MMP16: variants seen among roughly 807,000 people sequenced by gnomAD.
MMP16 encodes matrix metallopeptidase 16.
Under a neutral mutation model 67.8 loss-of-function variants are expected in MMP16, and 12 were observed. The observed-to-expected ratio is 0.18, with a 90% confidence interval of 0.11 to 0.29. The LOEUF is 0.29. MMP16 is among the 10% of genes least tolerant of loss of function. The pLI is 1.00. For missense variants in MMP16, 475 were observed against 765.7 expected (o/e 0.62, Z 4.48); for synonymous variants, 249 against 255.9 (o/e 0.97, Z 0.26).
At chr8:88,170,842 T>C (rs1808788316) in intron 3 of MMP16, among the ~76,000 whole-genome samples, 2 of 151,996 alleles carry the variant, frequency 1.3e-5, no homozygotes, top group Admixed American at 6.6e-5. Context: ...CTGTGTCTGA[T>C]GGAAAAATGG....
rs189745904 is a variant in MMP16, at chr8:88,176,993, T to C, written c.405-9020A>G. On this transcript the variant is annotated intron_variant, in intron 3 of 9. Coordinates refer to ENST00000286614, the MANE Select transcript of MMP16 (RefSeq NM_005941.5). ...TTGTGGAAAAGTCAAACTTTCATTATATTAAGTCTTTCTACTGAAAGCAAA... is the reference window on the plus strand; with the variant it reads ...TTGTGGAAAAGTCAAACTTTCATTACATTAAGTCTTTCTACTGAAAGCAAA... Among the ~76,000 whole-genome samples, 449 of 152,338 alleles carry C rather than the reference T, an allele frequency of 2.9e-3. 6 individuals are homozygous for C. The Middle Eastern group carries it at 0.048, about 16-fold the overall frequency.
At chr8:88,108,543 G>T (rs535937251) in intron 6 of MMP16, among the ~76,000 whole-genome samples, 1 of 151,336 alleles carries the variant, frequency 6.6e-6, no homozygotes, top group South Asian at 2.1e-4. Context: ...ATCTGGAGGT[G>T]CAGCATCCAT....
intron 4 of MMP16, among the ~76,000 whole-genome samples, chr8:88,146,015 A>C (rs1052050350): frequency 6.6e-6 from 1 of 152,024 alleles, no homozygotes; most frequent in Non-Finnish European, 1.5e-5. Flanking sequence ...GGTTCTAGAC[A>C]AACATTCCTA....
chr8:88,172,980 C>T (rs983333043), intron 3 of MMP16, among the ~76,000 whole-genome samples: 16 of 152,120 alleles, frequency 1.1e-4, no homozygotes, highest in African/African-American at 3.6e-4. Flanking sequence ...GATGTCTTAT[C>T]ATTAGATCAA....
intron 1 of MMP16, among the ~76,000 whole-genome samples, chr8:88,249,378 A>G (rs1289722571): frequency 2.0e-5 from 3 of 152,086 alleles, no homozygotes; most frequent in Non-Finnish European, 2.9e-5. Flanking sequence ...TAGTTTCAGC[A>G]GAGGCCTCAT....
At position 88,041,460 on chromosome 8, in the gene MMP16, A is replaced by C. The variant is rs766855414; in HGVS notation, c.*1T>G. The C allele has an allele frequency of 6.2e-7, 1 of 1,604,870 alleles. No homozygotes were observed. On this transcript the variant is annotated 3_prime_UTR_variant, in exon 10 of 10. Transcript: ENST00000286614. This position sits in a 1 kb window ranked among gnomAD's most constrained non-coding sequence, Gnocchi z 6.0. ...AGAAAGAAAGAAGAAAAAACCCTAC[A>C]TCACACCCACTCTTGCATAGAGCGT...
At chr8:88,219,781 C>T (rs1369621738) in intron 1 of MMP16, among the ~76,000 whole-genome samples, 1 of 152,138 alleles carries the variant, frequency 6.6e-6, no homozygotes, top group Non-Finnish European at 1.5e-5. Context: ...GCATTCCAAA[C>T]TGTACACTAG....
Position 88,132,508 on chromosome 8 carries a change from G to A in MMP16, c.710-13647C>T, listed in dbSNP as rs533773576. Among the ~76,000 whole-genome samples, 5 of 151,960 alleles carry A rather than the reference G, an allele frequency of 3.3e-5. No individual in the cohort carries two copies. The South Asian group carries it at 6.2e-4, about 19-fold the overall frequency. ...CTCTGCTTCAAAGCCCAATTAGGAC[G>A]TGTTGGCAAGCTTTGGATCCTGCTA... On this transcript the variant is annotated intron_variant, in intron 4 of 9. Transcript: ENST00000286614.
At chr8:88,310,905 ATG>A (rs1563592119) in intron 1 of MMP16, among the ~76,000 whole-genome samples, 3 of 152,106 alleles carry the variant, frequency 2.0e-5, no homozygotes, top group African/African-American at 7.2e-5. Context: ...AAGGAGGTGG[ATG>A]TGTGTTTTTT....
chr8:88,200,352 T>C (rs1809323370), intron 1 of MMP16, among the ~76,000 whole-genome samples: 1 of 152,036 alleles, frequency 6.6e-6, no homozygotes, highest in Non-Finnish European at 1.5e-5. Flanking sequence ...ACAAACAAGT[T>C]CCTTTAAGGC....
rs6981250 is a variant in MMP16 at position 88,242,334 on chromosome 8, A to G, written c.133-45028T>C. Among the ~76,000 whole-genome samples, 535 of 152,324 alleles carry G rather than the reference A, an allele frequency of 3.5e-3. 3 individuals carry two copies. Among genetic ancestry groups the G allele is most frequent in the African/African-American group, 0.012 (511 of 41,570 alleles). ...ACATTTATGTCTTTCATTTTGTAGT[A>G]GAAATTCTAGGAAAAATTTCTATAT... is the stretch of plus-strand genomic sequence containing the variant. On this transcript the variant is annotated intron_variant, in intron 1 of 9. Coordinates refer to ENST00000286614, the MANE Select transcript of MMP16 (RefSeq NM_005941.5).
intron 1 of MMP16, among the ~76,000 whole-genome samples, chr8:88,317,872 T>G: frequency 6.6e-6 from 1 of 152,162 alleles, no homozygotes; most frequent in East Asian, 1.9e-4. Flanking sequence ...AACAGGCCTA[T>G]TCTCAAACAG....
chr8:88,260,746 AAT>A (rs1286598541), intron 1 of MMP16, among the ~76,000 whole-genome samples: 4 of 152,302 alleles, frequency 2.6e-5, no homozygotes, highest in African/African-American at 9.6e-5. Flanking sequence ...AATTAGAAAA[AAT>A]ATATGAAGTA....
intron 1 of MMP16, among the ~76,000 whole-genome samples, chr8:88,216,350 T>C (rs1338882493): frequency 6.6e-6 from 1 of 152,180 alleles, no homozygotes; most frequent in Non-Finnish European, 1.5e-5. Context: ...AAACTGCCAA[T>C]GAAAGAATGC....
At chr8:88,256,034 T>C (rs1810295811) in intron 1 of MMP16, among the ~76,000 whole-genome samples, 1 of 152,240 alleles carries the variant, frequency 6.6e-6, no homozygotes, top group South Asian at 2.1e-4. Flanking sequence ...GTAATATGTC[T>C]GCACCTGGTG....
At chr8:88,171,615 A>T (rs1470882983) in intron 3 of MMP16, among the ~76,000 whole-genome samples, 1 of 152,206 alleles carries the variant, frequency 6.6e-6, no homozygotes, top group East Asian at 1.9e-4. Flanking sequence ...AAAATTCTAA[A>T]TTAAAAAATA....
intron 2 of MMP16, among the ~76,000 whole-genome samples, chr8:88,193,726 T>A (rs568909929): frequency 6.6e-5 from 10 of 152,042 alleles, no homozygotes; most frequent in African/African-American, 2.4e-4. Context: ...CTATTATATA[T>A]CCATAATAAT....
chr8:88,083,574 C>T (rs1009372984), intron 6 of MMP16, among the ~76,000 whole-genome samples: 5 of 152,018 alleles, frequency 3.3e-5, no homozygotes, highest in African/African-American at 1.2e-4. Context: ...GAGTAGTAAT[C>T]ATTACTATTG....
At chr8:88,077,585 C>T (rs1002566022) in intron 6 of MMP16, among the ~76,000 whole-genome samples, 10 of 152,132 alleles carry the variant, frequency 6.6e-5, no homozygotes, top group Admixed American at 2.0e-4. Context: ...GCAAGAATGT[C>T]GGTCTTTTGT....
Sources: gnomAD v4.1 joint callset for allele counts (sites outside exome capture counted in the v4.1 genomes callset) on GRCh38, gnomAD v4.1.1 for gene constraint, Gnocchi (gnomAD v3.1) non-coding constraint, MANE v1.5 for transcripts, NCBI Gene and HGNC (gene_info 2026-07-23, HGNC 2026-07-21) for gene names.